Variants in PIEZO2 observed in about 807,000 individuals in gnomAD.
PIEZO2 encodes piezo-type mechanosensitive ion channel component 2.
PIEZO2 carries 172 observed loss-of-function variants against 337.3 expected under a neutral mutation model. That is an observed-to-expected ratio of 0.51 (90% CI 0.45 to 0.58). PIEZO2 has a LOEUF of 0.58. PIEZO2 is among the 20% of genes least tolerant of loss of function. The pLI, the probability that PIEZO2 is intolerant of heterozygous loss-of-function variation, is 0.00. For synonymous variants in PIEZO2, 1,251 were observed against 1,228.5 expected (o/e 1.02, Z -0.38); for missense variants, 3,028 against 3,391.3 (o/e 0.89, Z 2.66).
Position 11,110,300 on chromosome 18 carries a change from G to A in PIEZO2, c.64+38225C>T, listed in dbSNP as rs983759643. Among the ~76,000 whole-genome samples the A allele has an allele frequency of 6.6e-6, 1 of 152,182 alleles. No individual in the cohort carries two copies. Among genetic ancestry groups the A allele is most frequent in the Non-Finnish European group, 1.5e-5 (1 of 68,040 alleles). On this transcript the variant is annotated intron_variant, in intron 1 of 55. Coordinates refer to ENST00000674853, the MANE Select transcript of PIEZO2 (RefSeq NM_001378183.1). This position sits in a 1 kb window ranked among gnomAD's most constrained non-coding sequence, Gnocchi z 4.2. Reference sequence around the variant, plus strand: ...ATTTTTCTAATAAACATACACAGAAGATGTCTTAAAAGGTAAATCTCAATT... The same window carrying A: ...ATTTTTCTAATAAACATACACAGAAAATGTCTTAAAAGGTAAATCTCAATT...
intron 3 of PIEZO2, among the ~76,000 whole-genome samples, chr18:10,918,893 T>C (rs1205860296): frequency 1.3e-5 from 2 of 152,010 alleles, no homozygotes; most frequent in Admixed American, 6.5e-5. Context: ...ATATATAACA[T>C]TGCAATGAGC....
intron 30 of PIEZO2, among the ~76,000 whole-genome samples, chr18:10,744,590 T>C (rs984926421): frequency 6.6e-6 from 1 of 152,216 alleles, no homozygotes; most frequent in African/African-American, 2.4e-5. Context: ...ATTGTAATTA[T>C]ACCAAGAGGA....
At chr18:10,920,836 T>A (rs9962893) in intron 3 of PIEZO2, among the ~76,000 whole-genome samples, 37,115 of 152,078 alleles carry the variant, frequency 0.24, 4,808 homozygotes, top group Non-Finnish European at 0.26. Context: ...GCAGAGCACC[T>A]GAGGTCAGGA....
chr18:10,728,042 A>G (rs1262766508), intron 36 of PIEZO2: 1 of 152,622 alleles, frequency 6.6e-6, no homozygotes, highest in Non-Finnish European at 1.5e-5. Context: ...ACCCGACAGA[A>G]CGATGCAGGA....
At chr18:10,857,287 T>A in intron 5 of PIEZO2, 76 bp from the exon 6 acceptor site, 1 of 1,253,592 alleles carries the variant, frequency 8.0e-7, no homozygotes, top group Non-Finnish European at 1.1e-6. Context: ...GAGCTTCTAA[T>A]TCATGGGTCA....
intron 7 of PIEZO2, among the ~76,000 whole-genome samples, chr18:10,851,155 C>CTTTTTTT (rs10592305): frequency 7.8e-6 from 1 of 127,932 alleles, no homozygotes. Context: ...TTTCTTTTAT[C>CTTTTTTT]TTTTTTTTTT....
At position 10,862,040 on chromosome 18, in the gene PIEZO2, AC is replaced by A. The variant is rs1282331839; in HGVS notation, c.493-4830del. On this transcript the variant is annotated intron_variant, in intron 5 of 55. Coordinates refer to ENST00000674853, the MANE Select transcript of PIEZO2 (RefSeq NM_001378183.1). The surrounding 1 kb of genome is among the most constrained non-coding windows in gnomAD (Gnocchi z 4.4). Reference sequence around the variant, plus strand: ...CTCAAAAAAAAAATTAATAAATAAAACAAAATAATAAAAAATAAAATAGTTA... The same window carrying A: ...CTCAAAAAAAAAATTAATAAATAAAAAAAATAATAAAAAATAAAATAGTTA... Among the ~76,000 whole-genome samples the A allele has an allele frequency of 6.6e-6, 1 of 152,120 alleles. No individual in the cohort carries two copies. The highest frequency in any genetic ancestry group is 1.9e-4 in the East Asian group (1 of 5,190).
chr18:11,130,983 G>A (rs141736396), intron 1 of PIEZO2, among the ~76,000 whole-genome samples: 26 of 152,356 alleles, frequency 1.7e-4, no homozygotes, highest in African/African-American at 6.3e-4. Flanking sequence ...TGAGGTGTCA[G>A]TGGCAGATAG....
intron 1 of PIEZO2, among the ~76,000 whole-genome samples, chr18:11,114,392 G>A (rs548951807): frequency 2.0e-5 from 3 of 152,326 alleles, no homozygotes; most frequent in South Asian, 2.1e-4. Flanking sequence ...ACGGCCAAAC[G>A]TGGTGGCTCA....
At position 10,681,379 on chromosome 18, in the gene PIEZO2, C is replaced by T. The variant is rs117312834; in HGVS notation, c.7779+282G>A. ...CTTAGGACAGATTCCCAGAGTAGGC[C>T]TACTAGTCAAGAGATGAATATATAC... On this transcript the variant is annotated intron_variant, in intron 51 of 55. Transcript: ENST00000674853. 9.6e-3 allele frequency among the ~76,000 whole-genome samples: 1,462 copies of T among 152,246 alleles called. 9 individuals are homozygous for T. The highest frequency in any genetic ancestry group is 0.015 in the Non-Finnish European group (1,038 of 68,022).
chr18:10,703,628 A>C (rs531139894), intron 42 of PIEZO2, among the ~76,000 whole-genome samples: 12 of 152,186 alleles, frequency 7.9e-5, no homozygotes, highest in Non-Finnish European at 8.8e-5. Context: ...TCTCTTCACA[A>C]ACCTGAGAGC....
rs190683427 is a variant in PIEZO2, at chr18:10,677,409, G to C, written c.8081+338C>G. The C allele has an allele frequency of 6.9e-5, 16 of 233,168 alleles. No homozygotes were observed. Among genetic ancestry groups the C allele is most frequent in the Admixed American group, 2.8e-4 (5 of 17,992 alleles). 14.4% of individuals were successfully genotyped at this position (233,168 alleles called of 1,614,324 possible). On this transcript the variant is annotated intron_variant, in intron 53 of 55. Coordinates refer to ENST00000674853, the MANE Select transcript of PIEZO2 (RefSeq NM_001378183.1). The surrounding 1 kb of genome is among the most constrained non-coding windows in gnomAD (Gnocchi z 4.1). ...ATCTTTGTATTTTCAGTAGAGACAG[G>C]GTTTCACCATGTTGGTCAGGCTGGT...
chr18:10,726,620 TGCGCTGGG>T lies in PIEZO2; in HGVS notation c.5029+4779_5029+4786del. 1 of 710,000 alleles carries T rather than the reference TGCGCTGGG, an allele frequency of 1.4e-6. No individual in the cohort carries two copies. Among genetic ancestry groups the T allele is most frequent in the East Asian group, 2.1e-4 (1 of 4,732 alleles). The allele number at this position is 710,000 out of a possible 1,614,324, so 44.0% of individuals were successfully genotyped here. A position where few individuals can be genotyped will look rare whatever the true frequency, so the allele number is the denominator to read the frequency against. On this transcript the variant is annotated intron_variant, in intron 36 of 55. Transcript: ENST00000674853. The surrounding 1 kb of genome is among the most constrained non-coding windows in gnomAD (Gnocchi z 5.9). ...GCGCGCTACGTGCGGGACGCCGACG[TGCGCTGGG>T]AGTACTGCGCGCGCGCCAAGCGCGG...
At chr18:11,147,652 C>A (rs1370101231) in intron 1 of PIEZO2, among the ~76,000 whole-genome samples, 5 of 152,212 alleles carry the variant, frequency 3.3e-5, no homozygotes, top group Admixed American at 6.5e-5. Flanking sequence ...AGAACCAGGG[C>A]CCGGCATTCT....
intron 26 of PIEZO2, 53 bp from the exon 27 acceptor site, chr18:10,758,187 A>G (rs2037966191): frequency 3.3e-6 from 5 of 1,502,142 alleles, no homozygotes; most frequent in Non-Finnish European, 4.5e-6. Context: ...TCTGATTTAC[A>G]TAATGCAACA....
In PIEZO2 at chr18:10,962,250, G is replaced by GT. The variant is rs2033812704; in HGVS notation, c.286+17284dup. 6.6e-6 allele frequency among the ~76,000 whole-genome samples: 1 copy of GT among 152,160 alleles called. No homozygotes were observed. The highest frequency in any genetic ancestry group is 2.1e-4 in the South Asian group (1 of 4,828). Reference sequence around the variant, plus strand: ...TGATCCCAGGCTACACTGGCAACAGGTTAAATACGCAATCGTAGCCCTTCT... The same window carrying GT: ...TGATCCCAGGCTACACTGGCAACAGGTTTAAATACGCAATCGTAGCCCTTCT... On this transcript the variant is annotated intron_variant, in intron 3 of 55. Transcript: ENST00000674853. The surrounding 1 kb of genome is among the most constrained non-coding windows in gnomAD (Gnocchi z 4.1).
At chr18:10,722,083 G>T (rs571416990) in intron 36 of PIEZO2, among the ~76,000 whole-genome samples, 42 of 150,314 alleles carry the variant, frequency 2.8e-4, no homozygotes, top group Non-Finnish European at 5.2e-4. Flanking sequence ...CTCGGGAGAC[G>T]GAGGTTGCAA....
At chr18:10,871,451 T>A (rs1032115714) in intron 4 of PIEZO2, 36 bp from the exon 5 acceptor site, 3 of 1,511,830 alleles carry the variant, frequency 2.0e-6, no homozygotes, top group Non-Finnish European at 2.6e-6. Flanking sequence ...GAAAAAAATT[T>A]AGTTCTTATA....
At chr18:10,831,983 A>G (rs2040856211) in intron 7 of PIEZO2, among the ~76,000 whole-genome samples, 1 of 152,174 alleles carries the variant, frequency 6.6e-6, no homozygotes, top group African/African-American at 2.4e-5. Flanking sequence ...TTCCCAAAAC[A>G]ATGCTGAATA....
Sources: allele counts gnomAD v4.1 joint callset (sites outside exome capture counted in the v4.1 genomes callset), GRCh38; gene constraint gnomAD v4.1.1; non-coding constraint Gnocchi (gnomAD v3.1); transcripts MANE v1.5; gene names NCBI Gene and HGNC (gene_info 2026-07-23, HGNC 2026-07-21).